The following BCAS3 variants were observed in gnomAD, a reference collection of about 807,000 sequenced individuals.
The protein encoded by BCAS3 is BCAS4/BCAS3 fusion.
BCAS3 carries 53 observed loss-of-function variants against 116.1 expected under a neutral mutation model. The observed-to-expected ratio is 0.46, with a 90% CI of 0.37 to 0.57. The LOEUF (loss-of-function observed/expected upper bound fraction) is 0.57. Ranked by LOEUF, BCAS3 falls within the 20% of genes least tolerant of loss-of-function variation. BCAS3 has a pLI of 0.00. For missense variants in BCAS3, 917 were observed against 1,165.4 expected (o/e 0.79, Z 3.10); for synonymous variants, 391 against 408.2 (o/e 0.96, Z 0.51).
At chr17:60,703,449 G>A (rs893790142) in intron 4 of BCAS3, among the ~76,000 whole-genome samples, 4 of 151,538 alleles carry the variant, frequency 2.6e-5, no homozygotes, top group African/African-American at 9.7e-5. Flanking sequence ...ATGTGGTGGC[G>A]TATGCTTGTA....
At chr17:60,839,268 C>G (rs2051662952) in intron 7 of BCAS3, among the ~76,000 whole-genome samples, 1 of 152,110 alleles carries the variant, frequency 6.6e-6, no homozygotes, top group Non-Finnish European at 1.5e-5. Flanking sequence ...TAAAGATAGT[C>G]TTTCTAACAC....
At chr17:61,050,087 C>A (rs2068722846) in intron 19 of BCAS3, among the ~76,000 whole-genome samples, 1 of 152,006 alleles carries the variant, frequency 6.6e-6, no homozygotes, top group South Asian at 2.1e-4. Context: ...GAATTATATT[C>A]TGCCTTTGCC....
intron 22 of BCAS3, among the ~76,000 whole-genome samples, chr17:61,202,133 A>ATT (rs376323897): frequency 0.05 from 4,172 of 82,654 alleles, 127 homozygotes; most frequent in Non-Finnish European, 0.056. Context: ...AAAGGTGGTG[A>ATT]TTTTTTTTTT....
In BCAS3 at chr17:61,381,278, G is replaced by A. The variant is rs547672521; in HGVS notation, c.2594-10699G>A. Among the ~76,000 whole-genome samples, 19 of 152,256 alleles carry A rather than the reference G, an allele frequency of 1.2e-4. No homozygotes were observed. The highest frequency in any genetic ancestry group is 3.9e-4 in the East Asian group (2 of 5,166). On this transcript the variant is annotated intron_variant, in intron 23 of 23. Transcript: ENST00000407086. The surrounding 1 kb of genome is among the most constrained non-coding windows in gnomAD (Gnocchi z 6.0). ...CCTGGAGGAGCAAATGGAAAGGCTC[G>A]CCTGAGCCAGCTGAATTGAATAATG...
chr17:61,090,120 C>G (rs1415293262), intron 22 of BCAS3, among the ~76,000 whole-genome samples: 3 of 152,154 alleles, frequency 2.0e-5, no homozygotes, highest in Non-Finnish European at 4.4e-5. Flanking sequence ...ACTTCTACAT[C>G]AGTAAAAGAA....
intron 7 of BCAS3, among the ~76,000 whole-genome samples, chr17:60,834,756 G>T (rs1345635859): frequency 6.6e-6 from 1 of 151,862 alleles, no homozygotes; most frequent in African/African-American, 2.4e-5. Flanking sequence ...CTGTTAATAT[G>T]AAAAATGACT....
At position 61,032,282 on chromosome 17, in the gene BCAS3, C is replaced by T. The variant is rs376503038; in HGVS notation, c.1638-2384C>T. ...ATTTGCAAAGAGCTTTGAGTTTGTC[C>T]CAATGAAGCTTGTTGGTACATTGTA... is the stretch of plus-strand genomic sequence containing the variant. On this transcript the variant is annotated intron_variant, in intron 16 of 23. Transcript: ENST00000407086. The surrounding 1 kb of genome is among the most constrained non-coding windows in gnomAD (Gnocchi z 4.6). Among the ~76,000 whole-genome samples, 34 of 152,164 alleles carry T rather than the reference C, an allele frequency of 2.2e-4. 1 individual carries two copies. In the East Asian group the frequency reaches 5.8e-3, roughly 26 times the overall value.
intron 7 of BCAS3, among the ~76,000 whole-genome samples, chr17:60,847,287 T>C (rs911287479): frequency 6.6e-6 from 1 of 152,266 alleles, no homozygotes; most frequent in Non-Finnish European, 1.5e-5. Flanking sequence ...AATGCTACTA[T>C]GAACATTCAT....
Position 61,083,433 on chromosome 17 carries a change from T to G in BCAS3, c.2328-1034T>G, listed in dbSNP as rs1049805452. Among the ~76,000 whole-genome samples the G allele has an allele frequency of 1.3e-5, 2 of 152,188 alleles. No homozygotes were observed. The highest frequency in any genetic ancestry group is 1.3e-4 in the Admixed American group (2 of 15,274). ...AGTAAATACTTACTGTATGAATGAA[T>G]TACCAGAAATGCATGCATATATTGT... On this transcript the variant is annotated intron_variant, in intron 21 of 23. Coordinates refer to ENST00000407086, the MANE Select transcript of BCAS3 (RefSeq NM_017679.5). The surrounding 1 kb of genome is among the most constrained non-coding windows in gnomAD (Gnocchi z 4.9).
chr17:61,274,135 G>A (rs1041086008), intron 22 of BCAS3, among the ~76,000 whole-genome samples: 9 of 150,974 alleles, frequency 6.0e-5, no homozygotes, highest in Admixed American at 3.9e-4. Context: ...ACAGTCCCCG[G>A]TGTGTGATGT....
At chr17:61,194,240 G>T (rs2080335708) in intron 22 of BCAS3, among the ~76,000 whole-genome samples, 1 of 152,154 alleles carries the variant, frequency 6.6e-6, no homozygotes, top group Admixed American at 6.5e-5. Flanking sequence ...GCAACAAATG[G>T]CTTCATTCTT....
intron 6 of BCAS3, among the ~76,000 whole-genome samples, chr17:60,805,060 C>T (rs1021056240): frequency 6.7e-6 from 1 of 149,344 alleles, no homozygotes; most frequent in Admixed American, 6.7e-5. Context: ...TAAGTAAATA[C>T]ACACACACAC....
At chr17:61,042,891 C>CCAAAAA (rs1555682922) in intron 19 of BCAS3, among the ~76,000 whole-genome samples, 2 of 58,292 alleles carry the variant, frequency 3.4e-5, no homozygotes, top group African/African-American at 1.1e-4. Flanking sequence ...CTCCATCTCA[C>CCAAAAA]AAAAAAAAAA....
At position 61,388,786 on chromosome 17, in the gene BCAS3, A is replaced by G; in HGVS notation, c.2594-3191A>G. On this transcript the variant is annotated intron_variant, in intron 23 of 23. Transcript: ENST00000407086. This position sits in a 1 kb window ranked among gnomAD's most constrained non-coding sequence, Gnocchi z 6.5. ...ATGACTTGGAGGGGGGAATCTGAGC[A>G]GCCCTCCTCCCCTCCACTTCCCACA... 6.1e-6 allele frequency: 8 copies of G among 1,318,352 alleles called. No homozygotes were observed. The South Asian group carries it at 9.1e-5, about 15-fold the overall frequency. 81.7% of individuals were successfully genotyped at this position (1,318,352 alleles called of 1,614,324 possible).
At chr17:60,798,099 C>T (rs1378190899) in intron 6 of BCAS3, among the ~76,000 whole-genome samples, 1 of 152,212 alleles carries the variant, frequency 6.6e-6, no homozygotes, top group Non-Finnish European at 1.5e-5. Context: ...GGCACTACCT[C>T]TTCCCACTTC....
chr17:60,805,119 CAT>C (rs1334774485), intron 6 of BCAS3, among the ~76,000 whole-genome samples: 7 of 151,582 alleles, frequency 4.6e-5, no homozygotes, highest in Non-Finnish European at 7.4e-5. Flanking sequence ...ATATAAATAA[CAT>C]ATTTATATGT....
intron 14 of BCAS3, among the ~76,000 whole-genome samples, chr17:60,948,503 G>A (rs73322731): frequency 0.041 from 6,221 of 152,090 alleles, 395 homozygotes; most frequent in African/African-American, 0.14. Context: ...AACACCTTTT[G>A]TTTCATACCT....
chr17:61,328,159 TA>T (rs151077628), intron 22 of BCAS3, among the ~76,000 whole-genome samples: 4,345 of 148,410 alleles, frequency 0.029, 207 homozygotes, highest in African/African-American at 0.099. Flanking sequence ...CCTATAGCTT[TA>T]AAAAAAAAAC....
chr17:61,294,038 C>T (rs979629635), intron 22 of BCAS3, among the ~76,000 whole-genome samples: 1 of 152,216 alleles, frequency 6.6e-6, no homozygotes, highest in Non-Finnish European at 1.5e-5. Context: ...ACTGGGATTA[C>T]AGGCGTGAGC....
Sources: gnomAD v4.1 joint callset for allele counts (sites outside exome capture counted in the v4.1 genomes callset) on GRCh38, gnomAD v4.1.1 for gene constraint, Gnocchi (gnomAD v3.1) non-coding constraint, MANE v1.5 for transcripts, NCBI Gene and HGNC (gene_info 2026-07-23, HGNC 2026-07-21) for gene names.